The following LRRC8A variants were observed in gnomAD, a reference collection of about 807,000 sequenced individuals.
The protein encoded by LRRC8A is volume-regulated anion channel subunit LRRC8A.
LRRC8A carries 24 observed loss-of-function variants against 52.5 expected under a neutral mutation model. The ratio of observed to expected loss-of-function variants is 0.46; its 90% CI spans 0.33 to 0.64. The LOEUF (loss-of-function observed/expected upper bound fraction) is 0.64. LRRC8A is among the 30% of genes least tolerant of loss of function. The pLI is 0.02. For missense variants in LRRC8A, 677 were observed against 1,094.7 expected (o/e 0.62, Z 5.38); for synonymous variants, 492 against 494.2 (o/e 1.00, Z 0.06).
intron 2 of LRRC8A, among the ~76,000 whole-genome samples, chr9:128,905,261 G>A (rs919665998): frequency 1.3e-5 from 2 of 152,202 alleles, no homozygotes; most frequent in African/African-American, 4.8e-5. Context: ...TAACCCTGGT[G>A]GGGATTGTAA....
chr9:128,888,677 T>C (rs1034846701), intron 2 of LRRC8A, among the ~76,000 whole-genome samples: 1 of 152,114 alleles, frequency 6.6e-6, no homozygotes, highest in South Asian at 2.1e-4. Context: ...AGCCTCGTTT[T>C]GCGGGGCTGC....
intron 2 of LRRC8A, among the ~76,000 whole-genome samples, chr9:128,898,237 G>A (rs1839898242): frequency 6.6e-6 from 1 of 151,602 alleles, no homozygotes; most frequent in Non-Finnish European, 1.5e-5. Flanking sequence ...TGTTTGTTTT[G>A]TGAGACGGAG....
At position 128,908,755 on chromosome 9, in the gene LRRC8A, A is replaced by G; in HGVS notation, c.1591A>G (p.Asn531Asp). The G allele has an allele frequency of 6.2e-7, 1 of 1,613,256 alleles. No homozygotes were observed. Among genetic ancestry groups the G allele is most frequent in the Non-Finnish European group, 8.5e-7 (1 of 1,180,026 alleles). The part of the protein sequence containing the change: ...LHLTGNLSAE[N>D]NRYIVIDGLR... ...CCTGACGGGCAACCTGAGCGCGGAG[A>G]ACAACCGCTACATCGTCATCGACGG... is the stretch of plus-strand genomic sequence containing the variant. Residue 531 changes from asparagine to aspartate, a missense_variant, in exon 3 of 4, where the codon AAC becomes GAC. Transcript: ENST00000372600.
chr9:128,884,182 T>A (rs1839295489), intron 1 of LRRC8A, among the ~76,000 whole-genome samples: 1 of 152,160 alleles, frequency 6.6e-6, no homozygotes, highest in Non-Finnish European at 1.5e-5. Flanking sequence ...GGCCGGACCC[T>A]GGGTTGCTGC....
At chr9:128,910,273 C>T (rs946412238) in intron 3 of LRRC8A, among the ~76,000 whole-genome samples, 2 of 152,220 alleles carry the variant, frequency 1.3e-5, no homozygotes, top group Non-Finnish European at 2.9e-5. Flanking sequence ...AAGCCTGAGG[C>T]CAGGCGCTGG....
intron 2 of LRRC8A, among the ~76,000 whole-genome samples, chr9:128,889,216 AC>A (rs1839510068): frequency 6.6e-6 from 1 of 151,878 alleles, no homozygotes; most frequent in African/African-American, 2.4e-5. Flanking sequence ...CTTCAAAGTC[AC>A]CTGGAAGCTT....
In LRRC8A at chr9:128,902,631, C is replaced by T. The variant is rs1157988125; in HGVS notation, c.-8-4526C>T. ...CTGCTGCATGCACCGGGCTCCTCTCCTCCCTCTTCTGTTCCCCAGTCTTTA... is the reference window on the plus strand; with the variant it reads ...CTGCTGCATGCACCGGGCTCCTCTCTTCCCTCTTCTGTTCCCCAGTCTTTA... On this transcript the variant is annotated intron_variant, in intron 2 of 3. Transcript: ENST00000372600. This position sits in a 1 kb window ranked among gnomAD's most constrained non-coding sequence, Gnocchi z 4.1. 6.6e-6 allele frequency among the ~76,000 whole-genome samples: 1 copy of T among 152,210 alleles called. No homozygotes were observed. Among genetic ancestry groups the T allele is most frequent in the Non-Finnish European group, 1.5e-5 (1 of 68,032 alleles).
intron 1 of LRRC8A, chr9:128,883,057 T>G: frequency 3.1e-6 from 1 of 324,974 alleles, no homozygotes; most frequent in Non-Finnish European, 5.6e-6. Flanking sequence ...TTCTCAGCTG[T>G]TGCGATTGTT....
chr9:128,886,282 CCTT>C (rs1033798524), intron 2 of LRRC8A, among the ~76,000 whole-genome samples, 161 bp downstream of exon 2: 15 of 152,218 alleles, frequency 9.9e-5, no homozygotes, highest in African/African-American at 3.6e-4. Flanking sequence ...CTCTCTTCCT[CCTT>C]CTCCCGCTGA....
At chr9:128,883,595 G>A (rs1217938936) in intron 1 of LRRC8A, among the ~76,000 whole-genome samples, 3 of 152,202 alleles carry the variant, frequency 2.0e-5, no homozygotes, top group South Asian at 4.1e-4. Flanking sequence ...CTGGGTGGCT[G>A]GTCTCTGCTT....
intron 3 of LRRC8A, among the ~76,000 whole-genome samples, chr9:128,913,753 G>C (rs1044579793): frequency 6.6e-6 from 1 of 152,178 alleles, no homozygotes; most frequent in African/African-American, 2.4e-5. Flanking sequence ...GTCTTTCTGG[G>C]AAGGCTCTGG....
chr9:128,893,947 C>T (rs1839721291), intron 2 of LRRC8A, among the ~76,000 whole-genome samples: 1 of 151,938 alleles, frequency 6.6e-6, no homozygotes, highest in Non-Finnish European at 1.5e-5. Flanking sequence ...AGCACAGATT[C>T]GGCCCACTGC....
chr9:128,916,044 C>G lies in LRRC8A; in HGVS notation c.2158-52C>G, dbSNP rs994349524. 1.0e-5 allele frequency: 16 copies of G among 1,547,498 alleles called. No homozygotes were observed. Among genetic ancestry groups the G allele is most frequent in the African/African-American group, 6.8e-5 (5 of 73,490 alleles). ...AGAGAGGGAAGGGAAGCCCAGAGGCCCCGTCCAAGCCCACACCCACCTCAC... is the reference window on the plus strand; with the variant it reads ...AGAGAGGGAAGGGAAGCCCAGAGGCGCCGTCCAAGCCCACACCCACCTCAC... On this transcript the variant is annotated intron_variant, in intron 3 of 3. Transcript: ENST00000372600. This position sits in a 1 kb window ranked among gnomAD's most constrained non-coding sequence, Gnocchi z 6.1.
intron 2 of LRRC8A, among the ~76,000 whole-genome samples, chr9:128,903,444 G>A (rs371977849): frequency 2.1e-5 from 3 of 142,692 alleles, no homozygotes; most frequent in East Asian, 2.1e-4. Flanking sequence ...TCGGCACCTC[G>A]CTCTGTCACC....
At chr9:128,900,444 C>T (rs905156691) in intron 2 of LRRC8A, among the ~76,000 whole-genome samples, 2 of 152,244 alleles carry the variant, frequency 1.3e-5, no homozygotes, top group Admixed American at 6.5e-5. Context: ...CGCAGTGGCT[C>T]ATGCCTGTAA....
chr9:128,891,516 G>A (rs1472127563), intron 2 of LRRC8A, among the ~76,000 whole-genome samples: 2 of 152,170 alleles, frequency 1.3e-5, no homozygotes, highest in African/African-American at 2.4e-5. Context: ...AGTCATGATC[G>A]CACCATTGTG....
Position 128,902,738 on chromosome 9 carries a change from C to T in LRRC8A, c.-8-4419C>T, listed in dbSNP as rs1840075814. On this transcript the variant is annotated intron_variant, in intron 2 of 3. Coordinates refer to ENST00000372600, the MANE Select transcript of LRRC8A (RefSeq NM_019594.4). The surrounding 1 kb of genome is among the most constrained non-coding windows in gnomAD (Gnocchi z 4.1). ...TGTGATTCAGAAGCTCTCCCAGTGCCACTTTCTTTCCCAGCAGTGTAGGTG... is the reference window on the plus strand; with the variant it reads ...TGTGATTCAGAAGCTCTCCCAGTGCTACTTTCTTTCCCAGCAGTGTAGGTG... 6.6e-6 allele frequency among the ~76,000 whole-genome samples: 1 copy of T among 152,126 alleles called. No homozygotes were observed. Among genetic ancestry groups the T allele is most frequent in the Non-Finnish European group, 1.5e-5 (1 of 68,022 alleles).
At chr9:128,901,962 C>T (rs1304590128) in intron 2 of LRRC8A, among the ~76,000 whole-genome samples, 3 of 152,238 alleles carry the variant, frequency 2.0e-5, no homozygotes, top group Non-Finnish European at 2.9e-5. Context: ...TTTCCAGAAT[C>T]ACACAGCAGA....
At chr9:128,895,355 G>A (rs1020305485) in intron 2 of LRRC8A, among the ~76,000 whole-genome samples, 1 of 152,166 alleles carries the variant, frequency 6.6e-6, no homozygotes, top group African/African-American at 2.4e-5. Context: ...CTGTCTCCAA[G>A]ATAAAATAAA....
Sources: allele counts gnomAD v4.1 joint callset (sites outside exome capture counted in the v4.1 genomes callset), GRCh38; gene constraint gnomAD v4.1.1; non-coding constraint Gnocchi (gnomAD v3.1); transcripts MANE v1.5; gene names NCBI Gene and HGNC (gene_info 2026-07-23, HGNC 2026-07-21).